The following B4GALNT1 variants were observed in gnomAD, a reference collection of about 807,000 sequenced individuals.
B4GALNT1 encodes the protein beta-1,4 N-acetylgalactosaminyltransferase 1.
B4GALNT1 carries 43 observed loss-of-function variants against 55.2 expected under a neutral mutation model. The observed-to-expected ratio is 0.78, with a 90% confidence interval of 0.61 to 1.00. B4GALNT1 has a LOEUF of 1.00. Ranked by LOEUF, B4GALNT1 falls within the 50% of genes least tolerant of loss-of-function variation. The pLI is 0.00. For missense variants in B4GALNT1, 664 were observed against 729.7 expected (o/e 0.91, Z 1.04); for synonymous variants, 305 against 311.6 (o/e 0.98, Z 0.22).
At chr12:57,629,591 A>G in intron 6 of B4GALNT1, 1 of 493,576 alleles carries the variant, frequency 2.0e-6, no homozygotes. Flanking sequence ...TGAGTGGAAA[A>G]TAAGACAAAC....
Position 57,623,897 on chromosome 12 carries a change from T to C in B4GALNT1, c.*2847A>G, listed in dbSNP as rs1351577311. 1.9e-6 allele frequency: 3 copies of C among 1,614,052 alleles called. No individual in the cohort carries two copies. The South Asian group carries it at 3.3e-5, about 18-fold the overall frequency. The stretch of plus-strand genomic sequence containing the variant: ...GTGCTGCTGTGGCTGGGGCCCTTCT[T>C]TTACTATCTGCCCAAGGTAATGAGC... On this transcript the variant is annotated 3_prime_UTR_variant, in exon 11 of 11. Coordinates refer to ENST00000341156, the MANE Select transcript of B4GALNT1 (RefSeq NM_001478.5).
At chr12:57,631,148 C>CACAATCACT (rs1885181491) in intron 3 of B4GALNT1, 52 bp downstream of exon 3, 1 of 1,611,982 alleles carries the variant, frequency 6.2e-7, no homozygotes, top group Admixed American at 1.7e-5. Context: ...TCCCTCCCGG[C>CACAATCACT]ACAATCACTG....
intron 5 of B4GALNT1, 51 bp from the exon 6 acceptor site, chr12:57,630,383 C>T: frequency 6.3e-7 from 1 of 1,598,772 alleles, no homozygotes; most frequent in South Asian, 1.1e-5. Flanking sequence ...CACTTCTTGC[C>T]TCCCTGATTC....
At chr12:57,628,555 C>T (rs1439312649) in intron 8 of B4GALNT1, 158 bp downstream of exon 8, 8 of 966,570 alleles carry the variant, frequency 8.3e-6, no homozygotes, top group Non-Finnish European at 1.2e-5. Context: ...GAATTTCCTG[C>T]TCCCACGAAG....
chr12:57,625,042 T>A lies in B4GALNT1; in HGVS notation c.*1702A>T. 6.2e-7 allele frequency: 1 copy of A among 1,613,178 alleles called. No individual in the cohort carries two copies. Among genetic ancestry groups the A allele is most frequent in the Non-Finnish European group, 8.5e-7 (1 of 1,179,272 alleles). ...TCAGGGAGTGGGAGGCAGGTGGGTG[T>A]TCTGAGGGGGATCCTTGTGCTCAAG... On this transcript the variant is annotated 3_prime_UTR_variant, in exon 11 of 11. Transcript: ENST00000341156.
At chr12:57,630,552 T>C (rs1489957583) in intron 4 of B4GALNT1, 34 bp from the exon 5 acceptor site, 25 of 1,572,052 alleles carry the variant, frequency 1.6e-5, no homozygotes, top group Non-Finnish European at 2.2e-5. Flanking sequence ...CAGAATCACA[T>C]AGGCAGCCCT....
chr12:57,630,127 C>T (rs781182476), intron 6 of B4GALNT1, 25 bp downstream of exon 6: 2 of 1,614,256 alleles, frequency 1.2e-6, no homozygotes, highest in Non-Finnish European at 1.7e-6. Context: ...CCCAGCCTGC[C>T]CGTCTCTCCA....
intron 6 of B4GALNT1, chr12:57,629,865 T>A: frequency 6.6e-7 from 1 of 1,511,568 alleles, no homozygotes; most frequent in Non-Finnish European, 8.8e-7. Flanking sequence ...GGGAATATAG[T>A]CTTCTAACTC....
rs1403873300 is a variant in B4GALNT1 at position 57,624,539 on chromosome 12, A to C, written c.*2205T>G. Reference sequence around the variant, plus strand: ...CACCTGGGTGGCAGTAGTGACCCTGAGTGTGGATTTGGGCCTGGCTGTGGG... The same window carrying C: ...CACCTGGGTGGCAGTAGTGACCCTGCGTGTGGATTTGGGCCTGGCTGTGGG... On this transcript the variant is annotated 3_prime_UTR_variant, in exon 11 of 11. Transcript: ENST00000341156. 3.1e-6 allele frequency: 2 copies of C among 635,840 alleles called. No homozygotes were observed. Among genetic ancestry groups the C allele is most frequent in the Non-Finnish European group, 6.1e-6 (2 of 326,504 alleles). The allele number at this position is 635,840 out of a possible 1,614,324, so 39.4% of individuals were successfully genotyped here.
rs761433760 is a variant in B4GALNT1 at position 57,626,814 on chromosome 12, T to G, written c.1532A>C (p.Asp511Ala). ...CCGGTGTTTGGCCATCTGGCTCTCG[T>G]CCAGTGATCCTGGGTAACGGTACCG... The part of the protein sequence containing the change: ...YARYRYPGSL[D>A]ESQMAKHRLL... Residue 511 changes from aspartate to alanine, a missense_variant, in exon 11 of 11, where the codon GAC (aspartate) becomes GCC (alanine). Coordinates refer to ENST00000341156, the MANE Select transcript of B4GALNT1 (RefSeq NM_001478.5). 1 of 1,614,212 alleles carries G rather than the reference T, an allele frequency of 6.2e-7. No homozygotes were observed.
rs1420508495 is a variant in B4GALNT1 at position 57,631,003 on chromosome 12, G to C, written c.467C>G (p.Pro156Arg). 1 of 1,613,170 alleles carries C rather than the reference G, an allele frequency of 6.2e-7. No homozygotes were observed. Among genetic ancestry groups the C allele is most frequent in the Non-Finnish European group, 8.5e-7 (1 of 1,179,880 alleles). Residue 156 changes from proline (P) to arginine (R), a missense_variant, in exon 4 of 11, where the codon CCC becomes CGC. Pro to Arg is a moderately radical substitution (Grantham distance 103). Transcript: ENST00000341156. ...ACCTGGCACCAAGATGCTCCTGAGG[G>C]GCTGAACTTCCACACCCTGTAGGGG... Reference protein sequence around the residue: ...QYPLQGVEVQPLRSILVPGLS... With the variant: ...QYPLQGVEVQRLRSILVPGLS...
At position 57,625,178 on chromosome 12, in the gene B4GALNT1, G is replaced by A. The variant is rs1171562387; in HGVS notation, c.*1566C>T. ...GCAGGTGAGATGGGGTGACAAGAAGGAAGATTTGGGCATGTTGCATGGTGA... is the reference window on the plus strand; with the variant it reads ...GCAGGTGAGATGGGGTGACAAGAAGAAAGATTTGGGCATGTTGCATGGTGA... On this transcript the variant is annotated 3_prime_UTR_variant, in exon 11 of 11. Transcript: ENST00000341156. The A allele has an allele frequency of 6.2e-7, 1 of 1,613,990 alleles. No homozygotes were observed. Among genetic ancestry groups the A allele is most frequent in the African/African-American group, 1.3e-5 (1 of 74,884 alleles).
In B4GALNT1 at chr12:57,623,559, A is replaced by T. The variant is rs372035974; in HGVS notation, c.*3185T>A. ...ATATACCCTGCTTATAGGGTAACCC[A>T]ACAGTGGCTTTTAAGGTGGAGGTGG... On this transcript the variant is annotated 3_prime_UTR_variant, in exon 11 of 11. Coordinates refer to ENST00000341156, the MANE Select transcript of B4GALNT1 (RefSeq NM_001478.5). 1.5e-5 allele frequency: 8 copies of T among 516,644 alleles called. No individual in the cohort carries two copies. In the South Asian group the frequency reaches 1.7e-4, roughly 11 times the overall value. 32.0% of individuals were successfully genotyped at this position (516,644 alleles called of 1,614,324 possible). A position where few individuals can be genotyped will look rare whatever the true frequency, so the allele number is the denominator to read the frequency against.
chr12:57,630,849 T>G (rs1885155953), intron 4 of B4GALNT1, 131 bp downstream of exon 4: 24 of 906,736 alleles, frequency 2.6e-5, no homozygotes, highest in Non-Finnish European at 3.8e-5. Context: ...AGCCGCCGTT[T>G]GAGCTTAAGT....
At chr12:57,632,196 C>A in intron 1 of B4GALNT1, 63 bp from the exon 2 acceptor site, 1 of 1,437,166 alleles carries the variant, frequency 7.0e-7, no homozygotes, top group Non-Finnish European at 9.6e-7. Context: ...GGGATGGGGC[C>A]CTTGGCCCCC....
intron 8 of B4GALNT1, 177 bp downstream of exon 8, chr12:57,628,536 A>G: frequency 1.1e-6 from 1 of 876,946 alleles, no homozygotes; most frequent in South Asian, 1.8e-5. Context: ...CATTCTAAGA[A>G]TTCAGAGAGA....
In B4GALNT1 at chr12:57,627,042, G is replaced by A. The variant is rs813516; in HGVS notation, c.1385-81C>T. On this transcript the variant is annotated intron_variant, in intron 10 of 10. Transcript: ENST00000341156. Reference sequence around the variant, plus strand: ...GGTAAGGGAGAACTCTCAAATTTAGGGTGTGGAAAGTGTGTGTGCAAAGGC... The same window carrying A: ...GGTAAGGGAGAACTCTCAAATTTAGAGTGTGGAAAGTGTGTGTGCAAAGGC... 20,976 of 1,254,820 alleles carry A rather than the reference G, an allele frequency of 0.017. 258 individuals are homozygous for A. Among genetic ancestry groups the A allele is most frequent in the Middle Eastern group, 0.031 (167 of 5,390 alleles). The allele number at this position is 1,254,820 out of a possible 1,614,324, so 77.7% of individuals were successfully genotyped here. A position where few individuals can be genotyped will look rare whatever the true frequency, so the allele number is the denominator to read the frequency against.
chr12:57,624,806 C>T lies in B4GALNT1; in HGVS notation c.*1938G>A. On this transcript the variant is annotated 3_prime_UTR_variant, in exon 11 of 11. Coordinates refer to ENST00000341156, the MANE Select transcript of B4GALNT1 (RefSeq NM_001478.5). ...AGGAAGCCCCAGGGTGGGTGGGCTG[C>T]AGCCAAAGAAGGAAGGGAAGATTAG... is the stretch of plus-strand genomic sequence containing the variant. 1 of 1,525,814 alleles carries T rather than the reference C, an allele frequency of 6.6e-7. No individual in the cohort carries two copies. 94.5% of individuals were successfully genotyped at this position (1,525,814 alleles called of 1,614,324 possible).
chr12:57,631,162 T>A, intron 3 of B4GALNT1, 38 bp downstream of exon 3: 1 of 1,613,294 alleles, frequency 6.2e-7, no homozygotes, highest in Non-Finnish European at 8.5e-7. Flanking sequence ...ATCACTGCTC[T>A]CCCCCTGAGG....
Sources: allele counts gnomAD v4.1 joint callset, GRCh38; gene constraint gnomAD v4.1.1; transcripts MANE v1.5; gene names NCBI Gene and HGNC (gene_info 2026-07-23, HGNC 2026-07-21).